The following NRAP variants were observed in gnomAD, a reference collection of about 807,000 sequenced individuals.
NRAP encodes the protein nebulin related anchoring protein.
Under a neutral mutation model 225.9 loss-of-function variants are expected in NRAP, and 189 were observed. The observed-to-expected ratio is 0.84, with a 90% CI of 0.74 to 0.94. The LOEUF (loss-of-function observed/expected upper bound fraction) is 0.94, where lower values mean the gene tolerates loss of function less well. Among genes scored for constraint, NRAP ranks in the 40% least tolerant of loss-of-function variants. The pLI, the probability that NRAP is intolerant of heterozygous loss-of-function variation, is 0.00. For missense variants in NRAP, 2,176 were observed against 2,168.7 expected (o/e 1.00, Z -0.07); for synonymous variants, 769 against 790.7 (o/e 0.97, Z 0.46).
intron 13 of NRAP, 49 bp from the exon 14 acceptor site, chr10:113,640,380 C>G (rs1252779500): frequency 8.9e-7 from 1 of 1,127,072 alleles, no homozygotes. Flanking sequence ...TTTCTACTTT[C>G]TTTTGGCTTT....
chr10:113,660,176 G>A (rs1466273505), intron 3 of NRAP, among the ~76,000 whole-genome samples: 3 of 150,482 alleles, frequency 2.0e-5, no homozygotes, highest in Admixed American at 1.3e-4. Flanking sequence ...TACCACATAT[G>A]CATATACATA....
In NRAP at chr10:113,590,653, G is replaced by A. The variant is rs774341147; in HGVS notation, c.4881C>T (p.Pro1627=). The A allele has an allele frequency of 6.2e-7, 1 of 1,614,102 alleles. No homozygotes were observed. Among genetic ancestry groups the A allele is most frequent in the Non-Finnish European group, 8.5e-7 (1 of 1,179,986 alleles). ...CCGGGTCGCAGGTGGGCTGGGGCAG[G>A]GGCTGCCTGTAGTGCACATCACTGG... ...QLASDVHYRQ[P]LPQPTCDPEQ... The change falls in exon 40 of 42, where the codon CCC becomes CCT. Residue 1627 remains proline, a synonymous_variant. Coordinates refer to ENST00000359988, the MANE Select transcript of NRAP (RefSeq NM_198060.4).
At chr10:113,633,857 G>A (rs1183820312) in intron 15 of NRAP, among the ~76,000 whole-genome samples, 13 of 152,170 alleles carry the variant, frequency 8.5e-5, no homozygotes, top group Non-Finnish European at 1.9e-4. Context: ...GATGAAGCAG[G>A]GTGGCCATGA....
At chr10:113,647,613 C>CT (rs1768609857) in intron 9 of NRAP, among the ~76,000 whole-genome samples, 1 of 129,078 alleles carries the variant, frequency 7.7e-6, no homozygotes, top group African/African-American at 2.8e-5. Context: ...CTGTCTCCCC[C>CT]GGTGGTACTT....
Position 113,589,457 on chromosome 10 carries a change from T to C in NRAP, c.5088+209A>G, listed in dbSNP as rs886046753. On this transcript the variant is annotated intron_variant, in intron 41 of 41. Coordinates refer to ENST00000359988, the MANE Select transcript of NRAP (RefSeq NM_198060.4). ...CTCTGCAGAACTAATGGCTGTGACT[T>C]CAGAGAAAGCCCTGCAGGAAGTTTA... 1 of 625,266 alleles carries C rather than the reference T, an allele frequency of 1.6e-6. No individual in the cohort carries two copies. The highest frequency in any genetic ancestry group is 2.7e-6 in the Non-Finnish European group (1 of 364,962). 38.7% of individuals were successfully genotyped at this position (625,266 alleles called of 1,614,324 possible).
At position 113,626,029 on chromosome 10, in the gene NRAP, G is replaced by A. The variant is rs753477942; in HGVS notation, c.2244+18C>T. On this transcript the variant is annotated intron_variant, in intron 21 of 41. Transcript: ENST00000359988. ...ATGACACAGCAGCTTGGTGGAGAAAGGGCAGCCCAGGACTCACCCCGCTCT... is the reference window on the plus strand; with the variant it reads ...ATGACACAGCAGCTTGGTGGAGAAAAGGCAGCCCAGGACTCACCCCGCTCT... 1 of 1,571,612 alleles carries A rather than the reference G, an allele frequency of 6.4e-7. No individual in the cohort carries two copies. The highest frequency in any genetic ancestry group is 8.7e-7 in the Non-Finnish European group (1 of 1,155,198).
chr10:113,590,582 C>T lies in NRAP; in HGVS notation c.4952G>A (p.Ser1651Asn). The T allele has an allele frequency of 1.2e-6, 2 of 1,610,022 alleles. No individual in the cohort carries two copies. Among genetic ancestry groups the T allele is most frequent in the African/African-American group, 1.3e-5 (1 of 75,024 alleles). ...GAGTGGGTGGAGGTGGCTCACATCA[C>T]TCTGCAGCTGGTGGGCCTTCTGAGC... ...RHAQKAHQLQ[S>N]DVKYKSDLNL... Residue 1651 changes from serine to asparagine, a missense_variant, in exon 40 of 42, where the codon AGT (serine) becomes AAT (asparagine). Around this residue, in one of 3 missense-constraint regions of NRAP, gnomAD observed 445 missense variants for 426.1 expected, o/e 1.04. Coordinates refer to ENST00000359988, the MANE Select transcript of NRAP (RefSeq NM_198060.4).
At chr10:113,589,917 A>G in intron 40 of NRAP, 120 bp from the exon 41 acceptor site, 1 of 1,134,356 alleles carries the variant, frequency 8.8e-7, no homozygotes. Flanking sequence ...GTCATCAGTA[A>G]AGCCAGAACA....
Position 113,588,881 on chromosome 10 carries a change from G to A in NRAP, c.*94C>T, listed in dbSNP as rs1485355235. The A allele has an allele frequency of 1.1e-6, 1 of 871,930 alleles. No homozygotes were observed. Among genetic ancestry groups the A allele is most frequent in the African/African-American group, 1.7e-5 (1 of 60,162 alleles). The allele number at this position is 871,930 out of a possible 1,614,324, so 54.0% of individuals were successfully genotyped here. The stretch of plus-strand genomic sequence containing the variant: ...AGGAAGATCTGGGATGGGCTGGTGG[G>A]CCATTCCAGCTTGCCGAAATCAAAG... On this transcript the variant is annotated 3_prime_UTR_variant, in exon 42 of 42. Transcript: ENST00000359988.
At chr10:113,648,250 G>A (rs1281653123) in intron 9 of NRAP, among the ~76,000 whole-genome samples, 2 of 152,052 alleles carry the variant, frequency 1.3e-5, no homozygotes, top group African/African-American at 4.8e-5. Context: ...CAGGCTCCCC[G>A]TTATCCAACA....
At chr10:113,638,640 C>T (rs1347262606) in intron 14 of NRAP, among the ~76,000 whole-genome samples, 1 of 152,212 alleles carries the variant, frequency 6.6e-6, no homozygotes, top group Non-Finnish European at 1.5e-5. Context: ...CAGCCAATTG[C>T]TGCCTTGCAG....
At chr10:113,629,849 G>A in intron 18 of NRAP, 64 bp from the exon 19 acceptor site, 2 of 1,114,908 alleles carry the variant, frequency 1.8e-6, no homozygotes, top group Non-Finnish European at 1.4e-6. Flanking sequence ...GGAGTGATGT[G>A]AAAATGCAGG....
At chr10:113,642,573 G>A (rs1849269947) in intron 12 of NRAP, among the ~76,000 whole-genome samples, 1 of 152,106 alleles carries the variant, frequency 6.6e-6, no homozygotes, top group South Asian at 2.1e-4. Context: ...GTGAAATGAG[G>A]TCATATTAAC....
intron 38 of NRAP, 130 bp downstream of exon 38, chr10:113,595,493 C>T: frequency 6.5e-6 from 4 of 612,390 alleles, no homozygotes; most frequent in Non-Finnish European, 1.2e-5. Flanking sequence ...AACAGTTTCT[C>T]AGTTCAGTGT....
chr10:113,624,778 T>C (rs1848192563), intron 22 of NRAP, 48 bp downstream of exon 22: 3 of 1,387,536 alleles, frequency 2.2e-6, no homozygotes, highest in South Asian at 2.4e-5. Context: ...CAGGTGGCTA[T>C]ACACAAAGGG....
intron 26 of NRAP, 146 bp downstream of exon 26, chr10:113,617,309 C>T (rs570841162): frequency 2.1e-5 from 11 of 536,366 alleles, no homozygotes; most frequent in Admixed American, 5.8e-5. Context: ...AAGCACCCCC[C>T]GCTAAGGGAG....
In NRAP at chr10:113,617,535, G is replaced by T. The variant is rs1847740885; in HGVS notation, c.2893C>A (p.Pro965Thr). 1 of 1,609,038 alleles carries T rather than the reference G, an allele frequency of 6.2e-7. No homozygotes were observed. The highest frequency in any genetic ancestry group is 1.3e-5 in the African/African-American group (1 of 74,954). The change falls in exon 26 of 42, where the codon CCA (proline) becomes ACA (threonine). Residue 965 changes from proline to threonine, a missense_variant. Physicochemically the swap from Pro to Thr is conservative, Grantham distance 38. Coordinates refer to ENST00000359988, the MANE Select transcript of NRAP (RefSeq NM_198060.4). ...LISEKKYRQH[P>T]DALKFTSIKD... ...ATACTGGTAAACTTCAAAGCATCTG[G>T]ATGCTGACGGTACTTCTTCTGTTGA... is the stretch of plus-strand genomic sequence containing the variant.
rs111822642 is a variant in NRAP, at chr10:113,604,923, G to C, written c.3916-3C>G. ...ACAAAGTCATGTCTGTAGAGAAACTGCAAGAAAGGGCTGGCCGGTCAAATT... is the reference window on the plus strand; with the variant it reads ...ACAAAGTCATGTCTGTAGAGAAACTCCAAGAAAGGGCTGGCCGGTCAAATT... On this transcript the variant is annotated splice_polypyrimidine_tract_variant and splice_region_variant and intron_variant, in intron 34 of 41. Coordinates refer to ENST00000359988, the MANE Select transcript of NRAP (RefSeq NM_198060.4). 1.2e-6 allele frequency: 2 copies of C among 1,607,566 alleles called. No homozygotes were observed. Among genetic ancestry groups the C allele is most frequent in the Non-Finnish European group, 1.7e-6 (2 of 1,175,224 alleles).
In NRAP at chr10:113,624,924, A is replaced by C; in HGVS notation, c.2251T>G (p.Tyr751Asp). The change falls in exon 22 of 42, where the codon TAC becomes GAC. Residue 751 changes from tyrosine (Y) to aspartate (D), a missense_variant. Coordinates refer to ENST00000359988, the MANE Select transcript of NRAP (RefSeq NM_198060.4). ...ACAGACTGCTCATTTCCTGCCTTGT[A>C]GGCCACCTGTTGGGAAAGAGCACTG... is the stretch of plus-strand genomic sequence containing the variant. The part of the protein sequence containing the change: ...KSQELQSGVA[Y>D]KAGNEQSVHQ... The C allele has an allele frequency of 6.2e-7, 1 of 1,612,064 alleles. No homozygotes were observed. The highest frequency in any genetic ancestry group is 1.1e-5 in the South Asian group (1 of 90,978).
Sources: gnomAD v4.1 joint callset for allele counts (sites outside exome capture counted in the v4.1 genomes callset) on GRCh38, gnomAD v4.1.1 for gene constraint, gnomAD v4.1.1 regional missense constraint, MANE v1.5 for transcripts, NCBI Gene and HGNC (gene_info 2026-07-23, HGNC 2026-07-21) for gene names.